DGKG: variants seen among roughly 807,000 people sequenced by gnomAD.
The protein encoded by DGKG is DAG kinase gamma.
In DGKG, 78 loss-of-function variants were observed where a neutral mutation model predicts 105.3. The observed-to-expected ratio is 0.74, with a 90% CI of 0.62 to 0.89. The LOEUF is 0.89. Ranked by LOEUF, DGKG falls within the 40% of genes least tolerant of loss-of-function variation. The pLI, the probability that DGKG is intolerant of heterozygous loss-of-function variation, is 0.00. For missense variants in DGKG, 958 were observed against 1,020.1 expected, an observed-to-expected ratio of 0.94 and a Z score of 0.83; for synonymous variants, 346 against 367.1, an observed-to-expected ratio of 0.94 and a Z score of 0.66.
intron 7 of DGKG, among the ~76,000 whole-genome samples, chr3:186,281,508 T>G (rs557823281): frequency 5.3e-4 from 80 of 152,328 alleles, no homozygotes; most frequent in Non-Finnish European, 9.8e-4. Flanking sequence ...CACAGTAAGA[T>G]TGCTTTGGGA....
chr3:186,157,250 A>AC (rs1716079370), intron 24 of DGKG, among the ~76,000 whole-genome samples: 1 of 152,086 alleles, frequency 6.6e-6, no homozygotes, highest in Non-Finnish European at 1.5e-5. Context: ...CTTTTGGGTC[A>AC]TCTATTTTAT....
intron 2 of DGKG, among the ~76,000 whole-genome samples, chr3:186,318,417 C>T (rs951916845): frequency 9.2e-5 from 14 of 152,206 alleles, no homozygotes; most frequent in African/African-American, 3.1e-4. Flanking sequence ...ACATTTTAAA[C>T]CTCTTTCCTC....
At chr3:186,341,087 C>T (rs1478689326) in intron 1 of DGKG, among the ~76,000 whole-genome samples, 1 of 152,230 alleles carries the variant, frequency 6.6e-6, no homozygotes, top group African/African-American at 2.4e-5. Flanking sequence ...GGTACTTTAT[C>T]TCCTAGGCTA....
At chr3:186,238,426 A>G (rs922391455) in intron 20 of DGKG, among the ~76,000 whole-genome samples, 2 of 152,092 alleles carry the variant, frequency 1.3e-5, no homozygotes, top group Non-Finnish European at 2.9e-5. Flanking sequence ...TATATCACCT[A>G]TGAAATGTAA....
intron 23 of DGKG, 129 bp from the exon 24 acceptor site, chr3:186,161,792 T>G (rs1488982746): frequency 7.8e-6 from 11 of 1,402,816 alleles, no homozygotes; most frequent in Middle Eastern, 1.9e-4. Context: ...TAAGACTCTT[T>G]TGGAGAACTT....
At chr3:186,313,599 G>A in intron 2 of DGKG, 1 of 860,884 alleles carries the variant, frequency 1.2e-6, no homozygotes, top group Non-Finnish European at 1.4e-6. Flanking sequence ...AGCATCACCT[G>A]GGAGCTTGTT....
intron 1 of DGKG, among the ~76,000 whole-genome samples, chr3:186,356,899 C>A (rs1204797622): frequency 6.6e-6 from 1 of 152,170 alleles, no homozygotes; most frequent in East Asian, 1.9e-4. Context: ...CCCTTTTCCC[C>A]CTTCTCTTCC....
intron 20 of DGKG, among the ~76,000 whole-genome samples, chr3:186,232,093 C>A (rs568046427): frequency 6.6e-6 from 1 of 152,114 alleles, no homozygotes; most frequent in Non-Finnish European, 1.5e-5. Flanking sequence ...TTACCCTGCA[C>A]GATAGTAGAG....
chr3:186,250,120 G>C (rs1721134858), intron 19 of DGKG, among the ~76,000 whole-genome samples: 1 of 152,144 alleles, frequency 6.6e-6, no homozygotes, highest in Non-Finnish European at 1.5e-5. Flanking sequence ...TGCGAGTCAA[G>C]GGTCTCGAAG....
rs541561304 is a variant in DGKG at position 186,361,049 on chromosome 3, C to G, written c.-249+897G>C. ...TTCGCGCTGCAGCAGACGCTCCCGC[C>G]GCGGGGGGCGACTGGGGGAGGGGTC... On this transcript the variant is annotated intron_variant, in intron 1 of 24. Coordinates refer to ENST00000265022, the MANE Select transcript of DGKG (RefSeq NM_001346.3). The surrounding 1 kb of genome is among the most constrained non-coding windows in gnomAD (Gnocchi z 6.8). 2.0e-4 allele frequency among the ~76,000 whole-genome samples: 30 copies of G among 152,336 alleles called. No individual in the cohort carries two copies. The highest frequency in any genetic ancestry group is 7.2e-4 in the African/African-American group (30 of 41,588).
chr3:186,251,741 G>A lies in DGKG; in HGVS notation c.1761+18C>T, dbSNP rs1026658081. ...GCGTTTCCCTTCCATACAGAAAGGT[G>A]ATCTTTGACCAACTCACCACACCAA... On this transcript the variant is annotated intron_variant, in intron 19 of 24. Coordinates refer to ENST00000265022, the MANE Select transcript of DGKG (RefSeq NM_001346.3). 1 of 1,613,840 alleles carries A rather than the reference G, an allele frequency of 6.2e-7. No individual in the cohort carries two copies. Among genetic ancestry groups the A allele is most frequent in the Non-Finnish European group, 8.5e-7 (1 of 1,179,894 alleles).
At chr3:186,160,162 A>AT in intron 24 of DGKG, 1 of 984,676 alleles carries the variant, frequency 1.0e-6, no homozygotes, top group African/African-American at 1.7e-5. Context: ...TGGTTCACAA[A>AT]TTTTTTCATA....
intron 16 of DGKG, among the ~76,000 whole-genome samples, chr3:186,258,653 G>C (rs1246396585): frequency 6.6e-6 from 1 of 152,114 alleles, no homozygotes; most frequent in African/African-American, 2.4e-5. Flanking sequence ...TTATGGTTGT[G>C]ACAGATGCCT....
intron 16 of DGKG, 23 bp from the exon 17 acceptor site, chr3:186,257,962 A>G (rs1721565265): frequency 1.3e-6 from 2 of 1,584,290 alleles, no homozygotes; most frequent in African/African-American, 1.3e-5. Context: ...AGAAAGGCCA[A>G]AATGGGCTTG....
chr3:186,250,783 C>T (rs1038199031), intron 19 of DGKG, among the ~76,000 whole-genome samples: 6 of 152,064 alleles, frequency 3.9e-5, no homozygotes, highest in African/African-American at 1.4e-4. Flanking sequence ...CTCCTGGCCT[C>T]AGGCAATCTG....
chr3:186,201,794 T>C lies in DGKG; in HGVS notation c.1917+10001A>G, dbSNP rs147933154. 4.7e-4 allele frequency among the ~76,000 whole-genome samples: 72 copies of C among 152,310 alleles called. 1 individual carries two copies. Among genetic ancestry groups the C allele is most frequent in the Middle Eastern group, 3.4e-3 (1 of 294 alleles). ...CAATTTTATAATCAACAAACAACTATTGAGGAATTAGTTCATTTTAGGCAT... is the reference window on the plus strand; with the variant it reads ...CAATTTTATAATCAACAAACAACTACTGAGGAATTAGTTCATTTTAGGCAT... On this transcript the variant is annotated intron_variant, in intron 21 of 24. Coordinates refer to ENST00000265022, the MANE Select transcript of DGKG (RefSeq NM_001346.3).
At chr3:186,175,743 G>C (rs1271841073) in intron 22 of DGKG, among the ~76,000 whole-genome samples, 1 of 152,154 alleles carries the variant, frequency 6.6e-6, no homozygotes, top group Non-Finnish European at 1.5e-5. Context: ...TCGACACATG[G>C]GATCTAATTA....
chr3:186,205,844 C>T (rs1268048696), intron 21 of DGKG, among the ~76,000 whole-genome samples: 1 of 151,848 alleles, frequency 6.6e-6, no homozygotes, highest in Non-Finnish European at 1.5e-5. Context: ...CAAGACTTTT[C>T]TGTATTAAAA....
At chr3:186,293,242 G>A (rs543303074) in intron 5 of DGKG, among the ~76,000 whole-genome samples, 6 of 152,240 alleles carry the variant, frequency 3.9e-5, no homozygotes, top group African/African-American at 7.2e-5. Context: ...GAGTAGTTTC[G>A]CTGCCCTAAA....
Sources: gnomAD v4.1 joint callset for allele counts (sites outside exome capture counted in the v4.1 genomes callset) on GRCh38, gnomAD v4.1.1 for gene constraint, Gnocchi (gnomAD v3.1) non-coding constraint, MANE v1.5 for transcripts, NCBI Gene and HGNC (gene_info 2026-07-23, HGNC 2026-07-21) for gene names.